RNLS: variants seen among roughly 807,000 people sequenced by gnomAD.
RNLS encodes the protein renalase.
A neutral mutation model predicts 39.8 loss-of-function variants in RNLS; 39 were observed. The ratio of observed to expected loss-of-function variants is 0.98; its 90% CI spans 0.76 to 1.28. The LOEUF (loss-of-function observed/expected upper bound fraction) is 1.28, where lower values mean the gene tolerates loss of function less well. RNLS is among the 50% of genes most tolerant of loss of function. The pLI, the probability that RNLS is intolerant of heterozygous loss-of-function variation, is 0.00. For missense variants in RNLS, 410 were observed against 413.3 expected (o/e 0.99, Z 0.07); for synonymous variants, 147 against 150.7 (o/e 0.98, Z 0.18).
At chr10:88,330,940 GA>G (rs1181519111) in intron 5 of RNLS, among the ~76,000 whole-genome samples, 3 of 152,090 alleles carry the variant, frequency 2.0e-5, no homozygotes, top group African/African-American at 7.2e-5. Flanking sequence ...AGTTATCTCT[GA>G]AAAAAATCCT....
intron 4 of RNLS, among the ~76,000 whole-genome samples, chr10:88,408,595 C>G (rs1243432627): frequency 6.6e-6 from 1 of 152,010 alleles, no homozygotes; most frequent in Admixed American, 6.6e-5. Flanking sequence ...TCATAAACTA[C>G]TCAGTCTAAG....
intron 4 of RNLS, among the ~76,000 whole-genome samples, chr10:88,379,415 G>C (rs1589691735): frequency 1.6e-5 from 2 of 122,208 alleles, no homozygotes; most frequent in South Asian, 5.6e-4. Flanking sequence ...GAAAAATAGT[G>C]CTAAAATTTC....
intron 4 of RNLS, among the ~76,000 whole-genome samples, chr10:88,473,392 C>G (rs946403694): frequency 6.6e-6 from 1 of 151,994 alleles, no homozygotes; most frequent in Non-Finnish European, 1.5e-5. Flanking sequence ...TTGGGTGAAG[C>G]AGAAACTACC....
At position 88,284,451 on chromosome 10, in the gene RNLS, TG is replaced by T; in HGVS notation, c.*902del. 2.0e-6 allele frequency: 2 copies of T among 985,358 alleles called. No individual in the cohort carries two copies. Among genetic ancestry groups the T allele is most frequent in the Non-Finnish European group, 2.4e-6 (2 of 829,902 alleles). 61.0% of individuals were successfully genotyped at this position (985,358 alleles called of 1,614,324 possible). ...CGTGGGGTCAGGTCACTGAAGCATG[TG>T]GGTGATATGCTGAACCACCAACTTG... is the stretch of plus-strand genomic sequence containing the variant. On this transcript the variant is annotated 3_prime_UTR_variant, in exon 7 of 7. Transcript: ENST00000331772.
At chr10:88,280,119 C>T (rs1050822654), downstream of RNLS, among the ~76,000 whole-genome samples, 3 of 152,168 alleles carry the variant, frequency 2.0e-5, no homozygotes, top group African/African-American at 7.2e-5. Context: ...CTCCTCCCCC[C>T]TTTATGATCA....
At chr10:88,446,689 T>C (rs886775614) in intron 4 of RNLS, among the ~76,000 whole-genome samples, 5 of 151,516 alleles carry the variant, frequency 3.3e-5, no homozygotes, top group African/African-American at 2.4e-5. Flanking sequence ...TAAACACCTC[T>C]ACCTGGCAGA....
At chr10:88,221,866 G>C in the RNLS span, among the ~76,000 whole-genome samples, 1 of 152,012 alleles carries the variant, frequency 6.6e-6, no homozygotes, top group East Asian at 1.9e-4. Flanking sequence ...TCTAAGCCCA[G>C]TGTTCCAGCA....
chr10:88,455,767 T>G (rs960148835), intron 4 of RNLS, among the ~76,000 whole-genome samples: 30 of 152,168 alleles, frequency 2.0e-4, no homozygotes, highest in Non-Finnish European at 3.5e-4. Flanking sequence ...TGGGAACAGA[T>G]AGTCAACACA....
chr10:88,305,755 C>A (rs1171423337), intron 6 of RNLS, among the ~76,000 whole-genome samples: 2 of 152,226 alleles, frequency 1.3e-5, no homozygotes, highest in African/African-American at 4.8e-5. Context: ...CCACTGATAA[C>A]ATTAGGCAGA....
At chr10:88,453,166 G>A (rs1418654264) in intron 4 of RNLS, among the ~76,000 whole-genome samples, 2 of 152,208 alleles carry the variant, frequency 1.3e-5, no homozygotes, top group African/African-American at 4.8e-5. Context: ...TGGTTGCAAG[G>A]AGTACACCGT....
At chr10:88,217,426 C>T in the RNLS span, among the ~76,000 whole-genome samples, 1 of 152,108 alleles carries the variant, frequency 6.6e-6, no homozygotes, top group African/African-American at 2.4e-5. Context: ...AGATCACAAC[C>T]TTCCTCAAAA....
intron 4 of RNLS, among the ~76,000 whole-genome samples, chr10:88,387,908 A>G (rs962909408): frequency 3.3e-5 from 5 of 152,092 alleles, no homozygotes; most frequent in Non-Finnish European, 7.4e-5. Context: ...ACGACCACAC[A>G]CCTTGAAAAC....
At chr10:88,188,851 T>A in the RNLS span, among the ~76,000 whole-genome samples, 2 of 152,192 alleles carry the variant, frequency 1.3e-5, no homozygotes. Context: ...AAAATGATCA[T>A]GTTTTTGAGT....
intron 4 of RNLS, among the ~76,000 whole-genome samples, chr10:88,524,984 T>TATATATATGGCACACACAC (rs1847022071): frequency 7.5e-6 from 1 of 133,878 alleles, no homozygotes; most frequent in Non-Finnish European, 1.6e-5. Flanking sequence ...TATATATATA[T>TATATATATGGCACACACAC]ATATATATAT....
downstream of RNLS, among the ~76,000 whole-genome samples, chr10:88,271,233 T>C (rs1842643400): frequency 6.6e-6 from 1 of 152,180 alleles, no homozygotes; most frequent in Non-Finnish European, 1.5e-5. Flanking sequence ...TCTGAGAATA[T>C]CTAGCTCTGT....
chr10:88,193,134 C>T, the RNLS span, among the ~76,000 whole-genome samples: 5 of 152,176 alleles, frequency 3.3e-5, no homozygotes, highest in South Asian at 2.1e-4. Flanking sequence ...ACAATCACAT[C>T]TCTTACCTGT....
chr10:88,560,498 T>A (rs1207733196), intron 4 of RNLS, among the ~76,000 whole-genome samples: 3 of 152,134 alleles, frequency 2.0e-5, no homozygotes, highest in Non-Finnish European at 4.4e-5. Flanking sequence ...CAAACAGATG[T>A]GAAAGCTTGG....
At chr10:88,289,395 C>G (rs1843512855) in intron 6 of RNLS, among the ~76,000 whole-genome samples, 1 of 152,110 alleles carries the variant, frequency 6.6e-6, no homozygotes, top group Non-Finnish European at 1.5e-5. Flanking sequence ...TGGCTTGGAA[C>G]AAACCATTTT....
At chr10:88,563,417 A>G (rs1348892558) in intron 4 of RNLS, among the ~76,000 whole-genome samples, 1 of 152,190 alleles carries the variant, frequency 6.6e-6, no homozygotes, top group Non-Finnish European at 1.5e-5. Context: ...GGTTTACTAC[A>G]TTAAGGTAAA....
Sources: gnomAD v4.1 joint callset for allele counts (sites outside exome capture counted in the v4.1 genomes callset) on GRCh38, gnomAD v4.1.1 for gene constraint, MANE v1.5 for transcripts, NCBI Gene and HGNC (gene_info 2026-07-23, HGNC 2026-07-21) for gene names.